DYNC2H1: variants seen among roughly 807,000 people sequenced by gnomAD.
DYNC2H1 encodes cytoplasmic dynein 2 heavy chain 1.
Under a neutral mutation model 570.0 loss-of-function variants are expected in DYNC2H1, and 410 were observed. That is an observed-to-expected ratio of 0.72 (90% CI 0.66 to 0.78). DYNC2H1 has a LOEUF of 0.78. Ranked by LOEUF, DYNC2H1 falls within the 30% of genes least tolerant of loss-of-function variation. DYNC2H1 has a pLI of 0.00. For missense variants in DYNC2H1, 4,865 were observed against 5,046.4 expected (o/e 0.96, Z 1.09); for synonymous variants, 1,688 against 1,677.6 (o/e 1.01, Z -0.15).
At chr11:103,440,992 G>A (rs770095629) in intron 85 of DYNC2H1, among the ~76,000 whole-genome samples, 1 of 152,104 alleles carries the variant, frequency 6.6e-6, no homozygotes, top group African/African-American at 2.4e-5. Context: ...ATGTTCTGGT[G>A]TTAAAGCACA....
At chr11:103,269,371 A>G (rs1343557316) in intron 70 of DYNC2H1, among the ~76,000 whole-genome samples, 1 of 152,204 alleles carries the variant, frequency 6.6e-6, no homozygotes, top group African/African-American at 2.4e-5. Context: ...GATGGAACCA[A>G]TTTTATATTT....
At chr11:103,358,110 G>T in intron 82 of DYNC2H1, 133 bp from the exon 83 acceptor site, 1 of 546,474 alleles carries the variant, frequency 1.8e-6, no homozygotes, top group South Asian at 3.0e-5. Context: ...GAGATAATAA[G>T]ATTATAAACT....
chr11:103,260,219 GT>G (rs1337926511), intron 70 of DYNC2H1, among the ~76,000 whole-genome samples: 2 of 152,188 alleles, frequency 1.3e-5, no homozygotes, highest in African/African-American at 2.4e-5. Context: ...AAATATTCCA[GT>G]GGTCACCAAA....
chr11:103,466,049 C>T (rs1237140315), intron 87 of DYNC2H1, among the ~76,000 whole-genome samples: 3 of 151,974 alleles, frequency 2.0e-5, no homozygotes, highest in East Asian at 3.9e-4. Flanking sequence ...CATTATTAAG[C>T]AATGGCAGTT....
rs541231234 is a variant in DYNC2H1, at chr11:103,168,800, T to G, written c.4808T>G (p.Ile1603Ser). ...ELKLKALILD[I>S]IHNIDVVKQL... ...AAACTTAAAGCCCTAATTCTTGACA[T>G]TATCCATAATATTGATGTGGTAAAG... Residue 1603 changes from isoleucine (I) to serine (S), a missense_variant, in exon 32 of 89, where the codon ATT (isoleucine) becomes AGT (serine). Ile to Ser is a moderately radical substitution (Grantham distance 142). Around this residue, in one of 5 missense-constraint regions of DYNC2H1, gnomAD observed 1,936 missense variants for 1,962.1 expected, o/e 0.99. Transcript: ENST00000375735. The G allele has an allele frequency of 2.5e-6, 4 of 1,613,232 alleles. No homozygotes were observed. The highest frequency in any genetic ancestry group is 2.5e-6 in the Non-Finnish European group (3 of 1,179,520).
chr11:103,165,253 A>T (rs1861255930), intron 30 of DYNC2H1, among the ~76,000 whole-genome samples: 1 of 152,024 alleles, frequency 6.6e-6, no homozygotes. Flanking sequence ...TCAGCCTCCT[A>T]AGTAGCTAGA....
intron 82 of DYNC2H1, among the ~76,000 whole-genome samples, chr11:103,336,708 G>A (rs1939154223): frequency 1.3e-5 from 2 of 152,074 alleles, no homozygotes; most frequent in Admixed American, 6.6e-5. Flanking sequence ...CCATTCATCT[G>A]TTGATGGGCA....
chr11:103,241,940 A>G lies in DYNC2H1; in HGVS notation c.9820-1753A>G, dbSNP rs954335275. ...CCGTGTGCTAGCAATTGTAAACAGC[A>G]TTGGTGATATAAAACTATTCGTCCA... On this transcript the variant is annotated intron_variant, in intron 63 of 88. Transcript: ENST00000375735. The surrounding 1 kb of genome is among the most constrained non-coding windows in gnomAD (Gnocchi z 5.1). 7.9e-5 allele frequency among the ~76,000 whole-genome samples: 12 copies of G among 152,136 alleles called. No homozygotes were observed. Among genetic ancestry groups the G allele is most frequent in the Admixed American group, 3.3e-4 (5 of 15,268 alleles).
At chr11:103,429,050 TAGG>T (rs10579254) in intron 84 of DYNC2H1, among the ~76,000 whole-genome samples, 83,998 of 151,440 alleles carry the variant, frequency 0.55, 23,888 homozygotes, top group East Asian at 0.71. Context: ...CACTTGAGCC[TAGG>T]AGTTCAAGAC....
At chr11:103,329,392 T>G (rs1487828609) in intron 82 of DYNC2H1, among the ~76,000 whole-genome samples, 3 of 147,454 alleles carry the variant, frequency 2.0e-5, no homozygotes, top group African/African-American at 5.0e-5. Flanking sequence ...AAATCTTTTC[T>G]AGAATCATCT....
rs761995184 is a variant in DYNC2H1, at chr11:103,197,975, C to G, written c.7751C>G (p.Ala2584Gly). ...TGGGGAGCTCGGCATAATTCAGGAG[C>G]AAGGGCAGCCCCAGGACAACCATTA... ...VTWGARHNSG[A>G]RAAPGQPLPP... Residue 2584 changes from alanine (A) to glycine (G), a missense_variant, in exon 48 of 89, where the codon GCA (alanine) becomes GGA (glycine). This residue lies in a region of DYNC2H1 where 2,401 missense variants were observed against 2,454.6 expected (regional missense o/e 0.98). Transcript: ENST00000375735. The G allele has an allele frequency of 1.3e-6, 2 of 1,568,152 alleles. No individual in the cohort carries two copies. Among genetic ancestry groups the G allele is most frequent in the South Asian group, 2.3e-5 (2 of 85,124 alleles).
rs925555362 is a variant in DYNC2H1 at position 103,369,237 on chromosome 11, A to T, written c.12156+10878A>T. On this transcript the variant is annotated intron_variant, in intron 83 of 88. Coordinates refer to ENST00000375735, the MANE Select transcript of DYNC2H1 (RefSeq NM_001377.3). The surrounding 1 kb of genome is among the most constrained non-coding windows in gnomAD (Gnocchi z 4.0). ...ATTATAACAGAAAACAAAATGGCTG[A>T]CACCCACCCTCAGAAGGATAATTTA... 2.6e-5 allele frequency among the ~76,000 whole-genome samples: 4 copies of T among 152,144 alleles called. No homozygotes were observed. Among genetic ancestry groups the T allele is most frequent in the African/African-American group, 9.7e-5 (4 of 41,426 alleles).
At chr11:103,298,733 A>G (rs1239208793) in intron 75 of DYNC2H1, among the ~76,000 whole-genome samples, 3 of 152,086 alleles carry the variant, frequency 2.0e-5, no homozygotes, top group Non-Finnish European at 1.5e-5. Flanking sequence ...TTTTTAATCA[A>G]ATTTTAGAGC....
At position 103,143,259 on chromosome 11, in the gene DYNC2H1, T is replaced by G; in HGVS notation, c.2575-9T>G. The G allele has an allele frequency of 6.2e-7, 1 of 1,611,468 alleles. No homozygotes were observed. The highest frequency in any genetic ancestry group is 1.1e-5 in the South Asian group (1 of 90,354). ...TCTTTAATAATACATTTTTTCTTTC[T>G]TTAAATAGGAATGGATTGTAATTGG... On this transcript the variant is annotated splice_polypyrimidine_tract_variant and intron_variant, in intron 17 of 88. Transcript: ENST00000375735.
rs1565433084 is a variant in DYNC2H1 at position 103,252,562 on chromosome 11, A to G, written c.10043-723A>G. Among the ~76,000 whole-genome samples the G allele has an allele frequency of 6.6e-6, 1 of 152,100 alleles. No individual in the cohort carries two copies. Reference sequence around the variant, plus strand: ...CCTAACAGGTGTGAGTTGATATCTAATAGTGGTTTTGATTTGCATTTCCTC... The same window carrying G: ...CCTAACAGGTGTGAGTTGATATCTAGTAGTGGTTTTGATTTGCATTTCCTC... On this transcript the variant is annotated intron_variant, in intron 65 of 88. Transcript: ENST00000375735. This position sits in a 1 kb window ranked among gnomAD's most constrained non-coding sequence, Gnocchi z 4.6.
chr11:103,479,322 G>T lies in DYNC2H1; in HGVS notation c.*69G>T. 1 of 1,524,906 alleles carries T rather than the reference G, an allele frequency of 6.6e-7. No individual in the cohort carries two copies. The highest frequency in any genetic ancestry group is 8.8e-7 in the Non-Finnish European group (1 of 1,130,630). The allele number at this position is 1,524,906 out of a possible 1,614,324, so 94.5% of individuals were successfully genotyped here. A position where few individuals can be genotyped will look rare whatever the true frequency, so the allele number is the denominator to read the frequency against. ...ATTCTTTAAGCTTTAAATCAAACATGTGGTCAGTCTACATTTGAAATGTTA... is the reference window on the plus strand; with the variant it reads ...ATTCTTTAAGCTTTAAATCAAACATTTGGTCAGTCTACATTTGAAATGTTA... On this transcript the variant is annotated 3_prime_UTR_variant, in exon 89 of 89. Coordinates refer to ENST00000375735, the MANE Select transcript of DYNC2H1 (RefSeq NM_001377.3).
At position 103,121,393 on chromosome 11, in the gene DYNC2H1, A is replaced by G; in HGVS notation, c.1382A>G (p.Asn461Ser). 1 of 1,610,718 alleles carries G rather than the reference A, an allele frequency of 6.2e-7. No homozygotes were observed. Among genetic ancestry groups the G allele is most frequent in the Non-Finnish European group, 8.5e-7 (1 of 1,178,776 alleles). The change falls in exon 10 of 89, where the codon AAT becomes AGT. Residue 461 changes from asparagine to serine, a missense_variant. By Grantham distance (46) the Asn-to-Ser change is conservative (BLOSUM62 1). Transcript: ENST00000375735. ...SIKDFRLDFE[N>S]RCRGIPGDAS... ...ATAGATTTTCGATTAGACTTTGAGA[A>G]TCGGTGCCGAGGAATTCCTGGTGAT...
At chr11:103,386,548 G>T (rs561783715) in intron 83 of DYNC2H1, among the ~76,000 whole-genome samples, 85 of 151,952 alleles carry the variant, frequency 5.6e-4, no homozygotes, top group Middle Eastern at 3.4e-3. Context: ...TGTGCACAGC[G>T]TGCAGGTTTG....
chr11:103,222,675 GAC>G (rs1863632872), intron 58 of DYNC2H1, among the ~76,000 whole-genome samples: 1 of 152,152 alleles, frequency 6.6e-6, no homozygotes, highest in Admixed American at 6.6e-5. Flanking sequence ...TGTTGTGGAT[GAC>G]ACATGTATTC....
Sources: allele counts gnomAD v4.1 joint callset (sites outside exome capture counted in the v4.1 genomes callset), GRCh38; gene constraint gnomAD v4.1.1; regional missense constraint gnomAD v4.1.1; non-coding constraint Gnocchi (gnomAD v3.1); transcripts MANE v1.5; gene names NCBI Gene and HGNC (gene_info 2026-07-23, HGNC 2026-07-21).